Variants in SLC38A10 observed in about 807,000 individuals in gnomAD.
SLC38A10 encodes Sodium-coupled neutral amino acid transporter 10.
In SLC38A10, 53 loss-of-function variants were observed where a neutral mutation model predicts 81.0. The observed-to-expected ratio is 0.65, with a 90% CI of 0.53 to 0.82. The LOEUF (loss-of-function observed/expected upper bound fraction) is 0.82. Among genes scored for constraint, SLC38A10 ranks in the 40% least tolerant of loss-of-function variants. The pLI is 0.00. For missense variants in SLC38A10, 1,471 were observed against 1,545.0 expected, an observed-to-expected ratio of 0.95 and a Z score of 0.80; for synonymous variants, 665 against 655.3, an observed-to-expected ratio of 1.01 and a Z score of -0.23.
intron 10 of SLC38A10, among the ~76,000 whole-genome samples, chr17:81,261,195 T>C (rs2063020013): frequency 6.6e-6 from 1 of 152,198 alleles, no homozygotes; most frequent in Non-Finnish European, 1.5e-5. Context: ...TCTGACAAAC[T>C]GTACACTGCT....
chr17:81,292,065 T>C (rs2063315396), intron 1 of SLC38A10, among the ~76,000 whole-genome samples: 1 of 152,080 alleles, frequency 6.6e-6, no homozygotes, highest in African/African-American at 2.4e-5. Flanking sequence ...CAAACTTCAA[T>C]GTTTATTATA....
chr17:81,283,516 G>A lies in SLC38A10; in HGVS notation c.264-14C>T, dbSNP rs776509921. 13 of 1,599,624 alleles carry A rather than the reference G, an allele frequency of 8.1e-6. No individual in the cohort carries two copies. The highest frequency in any genetic ancestry group is 1.0e-5 in the Non-Finnish European group (12 of 1,172,854). The stretch of plus-strand genomic sequence containing the variant: ...AGCCCGATCATGCTGCACAGGGACG[G>A]GGGGTACGGGAAATGCCATCAGGGC... On this transcript the variant is annotated splice_polypyrimidine_tract_variant and intron_variant, in intron 3 of 15. Transcript: ENST00000374759. The surrounding 1 kb of genome is among the most constrained non-coding windows in gnomAD (Gnocchi z 4.7).
rs1442411200 is a variant in SLC38A10 at position 81,246,179 on chromosome 17, G to A, written c.2737C>T (p.Leu913Phe). The A allele has an allele frequency of 1.9e-6, 3 of 1,612,318 alleles. No homozygotes were observed. The South Asian group carries it at 3.3e-5, about 18-fold the overall frequency. ...GTCTCTGCTCCTGGCCCTGCCACGA[G>A]CCAGTTGGCTTCCTTCAGAATGCTG... ...GTSILKEANW[L>F]VAGPGAETGD... Residue 913 changes from leucine to phenylalanine, a missense_variant, in exon 16 of 16, where the codon CTC becomes TTC. Leu to Phe is a conservative substitution (Grantham distance 22). Coordinates refer to ENST00000374759, the MANE Select transcript of SLC38A10 (RefSeq NM_001037984.3).
In SLC38A10 at chr17:81,283,557, TG is replaced by T. The variant is rs922972447; in HGVS notation, c.264-56del. The T allele has an allele frequency of 7.1e-6, 10 of 1,416,594 alleles. No individual in the cohort carries two copies. Among genetic ancestry groups the T allele is most frequent in the East Asian group, 2.4e-5 (1 of 40,990 alleles). 87.8% of individuals were successfully genotyped at this position (1,416,594 alleles called of 1,614,324 possible). On this transcript the variant is annotated intron_variant, in intron 3 of 15. Coordinates refer to ENST00000374759, the MANE Select transcript of SLC38A10 (RefSeq NM_001037984.3). The surrounding 1 kb of genome is among the most constrained non-coding windows in gnomAD (Gnocchi z 4.7). ...CCATCAGGGCAAGCTGGCACACACC[TG>T]GGCTGCCGCCAGGGACTACCCCAAG...
chr17:81,275,588 C>T lies in SLC38A10; in HGVS notation c.912+381G>A, dbSNP rs1165836544. Among the ~76,000 whole-genome samples, 29 of 150,618 alleles carry T rather than the reference C, an allele frequency of 1.9e-4. 1 individual carries two copies. Among genetic ancestry groups the T allele is most frequent in the Admixed American group, 1.7e-3 (26 of 15,114 alleles). ...CTCTACTAAAAATACAAAAATTAGC[C>T]GGGCATGGTGGCGCGCGCCTGTAGT... On this transcript the variant is annotated intron_variant, in intron 8 of 15. Coordinates refer to ENST00000374759, the MANE Select transcript of SLC38A10 (RefSeq NM_001037984.3).
Position 81,276,742 on chromosome 17 carries a change from G to A in SLC38A10, c.729+289C>T, listed in dbSNP as rs924320304. On this transcript the variant is annotated intron_variant, in intron 7 of 15. Transcript: ENST00000374759. The surrounding 1 kb of genome is among the most constrained non-coding windows in gnomAD (Gnocchi z 4.7). Reference sequence around the variant, plus strand: ...AACAGAGGTCTTGGAGAGAGAGTAAGAGTGGCTCGGATAAAGGGTTCTGGG... The same window carrying A: ...AACAGAGGTCTTGGAGAGAGAGTAAAAGTGGCTCGGATAAAGGGTTCTGGG... Among the ~76,000 whole-genome samples the A allele has an allele frequency of 5.9e-5, 9 of 152,200 alleles. No individual in the cohort carries two copies. Among genetic ancestry groups the A allele is most frequent in the African/African-American group, 2.2e-4 (9 of 41,450 alleles).
At chr17:81,290,689 A>T (rs1043734048) in intron 1 of SLC38A10, among the ~76,000 whole-genome samples, 2 of 152,166 alleles carry the variant, frequency 1.3e-5, no homozygotes, top group Admixed American at 1.3e-4. Context: ...GTGGTTACAC[A>T]GCAAGCCCAT....
intron 10 of SLC38A10, among the ~76,000 whole-genome samples, chr17:81,262,023 A>G (rs539994201): frequency 1.3e-5 from 2 of 152,318 alleles, no homozygotes; most frequent in African/African-American, 4.8e-5. Flanking sequence ...GAAGAGTCCC[A>G]GGGCAGTGGT....
intron 9 of SLC38A10, among the ~76,000 whole-genome samples, chr17:81,272,138 T>G (rs989570007): frequency 2.0e-5 from 3 of 151,924 alleles, no homozygotes; most frequent in Non-Finnish European, 4.4e-5. Context: ...GTTCAAGTGA[T>G]TCTTTTGCCT....
intron 9 of SLC38A10, among the ~76,000 whole-genome samples, chr17:81,271,875 C>A (rs972087473): frequency 4.0e-5 from 6 of 151,636 alleles, no homozygotes; most frequent in Non-Finnish European, 7.4e-5. Flanking sequence ...TACAGGCACC[C>A]GCCACCACGC....
rs1019591558 is a variant in SLC38A10, at chr17:81,277,726, A to G, written c.627-593T>C. Among the ~76,000 whole-genome samples the G allele has an allele frequency of 1.3e-5, 2 of 152,184 alleles. No homozygotes were observed. Among genetic ancestry groups the G allele is most frequent in the Non-Finnish European group, 2.9e-5 (2 of 68,038 alleles). ...GAGGGACCCAAGCCACCAGCCAGGC[A>G]AGGACATGACAGCCCTGCACAGGCA... On this transcript the variant is annotated intron_variant, in intron 6 of 15. Transcript: ENST00000374759. The surrounding 1 kb of genome is among the most constrained non-coding windows in gnomAD (Gnocchi z 4.5).
chr17:81,261,940 G>T (rs964542978), intron 10 of SLC38A10, among the ~76,000 whole-genome samples: 1 of 152,208 alleles, frequency 6.6e-6, no homozygotes, highest in African/African-American at 2.4e-5. Flanking sequence ...GCTCTGCCCC[G>T]CCCTGGCCCC....
At chr17:81,261,751 C>T (rs1489787864) in intron 10 of SLC38A10, among the ~76,000 whole-genome samples, 4 of 152,236 alleles carry the variant, frequency 2.6e-5, no homozygotes, top group African/African-American at 4.8e-5. Context: ...GAAGGGAGCC[C>T]GGCCGCAATG....
rs2062850275 is a variant in SLC38A10 at position 81,246,305 on chromosome 17, C to T, written c.2611G>A (p.Glu871Lys). The T allele has an allele frequency of 6.2e-7, 1 of 1,611,170 alleles. No individual in the cohort carries two copies. The highest frequency in any genetic ancestry group is 1.3e-5 in the African/African-American group (1 of 74,948). The part of the protein sequence containing the change: ...PDPAREAGGP[E>K]ERLAEEFPGQ... Reference sequence around the variant, plus strand: ...GGGAATTCCTCTGCGAGGCGCTCCTCTGGGCCCCCGGCTTCCCTGGCGGGG... The same window carrying T: ...GGGAATTCCTCTGCGAGGCGCTCCTTTGGGCCCCCGGCTTCCCTGGCGGGG... The change falls in exon 16 of 16, where the codon GAG becomes AAG. Residue 871 changes from glutamate to lysine, a missense_variant. By Grantham distance (56) the Glu-to-Lys change is moderately conservative. Around this residue, in one of 2 missense-constraint regions of SLC38A10, gnomAD observed 751 missense variants for 717.4 expected, o/e 1.05. Coordinates refer to ENST00000374759, the MANE Select transcript of SLC38A10 (RefSeq NM_001037984.3).
rs890852333 is a variant in SLC38A10 at position 81,245,486 on chromosome 17, T to C, written c.*70A>G. The C allele has an allele frequency of 4.7e-6, 7 of 1,502,194 alleles. No individual in the cohort carries two copies. The highest frequency in any genetic ancestry group is 6.2e-6 in the Non-Finnish European group (7 of 1,127,412). The allele number at this position is 1,502,194 out of a possible 1,614,324, so 93.1% of individuals were successfully genotyped here. A position where few individuals can be genotyped will look rare whatever the true frequency, so the allele number is the denominator to read the frequency against. ...TGTGACCTCCAGAGTTTGGCTGGGATGCGGCTGAGACAGACCTGCTGCTGG... is the reference window on the plus strand; with the variant it reads ...TGTGACCTCCAGAGTTTGGCTGGGACGCGGCTGAGACAGACCTGCTGCTGG... On this transcript the variant is annotated 3_prime_UTR_variant, in exon 16 of 16. Coordinates refer to ENST00000374759, the MANE Select transcript of SLC38A10 (RefSeq NM_001037984.3).
chr17:81,251,163 G>T, intron 14 of SLC38A10: 1 of 1,525,312 alleles, frequency 6.6e-7, no homozygotes, highest in African/African-American at 1.4e-5. Context: ...TAACAAACCT[G>T]CTTTAAAGAC....
At chr17:81,272,971 G>A (rs1218680262) in intron 8 of SLC38A10, among the ~76,000 whole-genome samples, 1 of 152,202 alleles carries the variant, frequency 6.6e-6, no homozygotes, top group Non-Finnish European at 1.5e-5. Context: ...GAAGTATGGA[G>A]AGCAAAACAC....
rs375401661 is a variant in SLC38A10, at chr17:81,283,259, C to T, written c.357+150G>A. 1.0e-5 allele frequency: 7 copies of T among 673,964 alleles called. No individual in the cohort carries two copies. The highest frequency in any genetic ancestry group is 1.8e-5 in the South Asian group (1 of 56,950). 41.7% of individuals were successfully genotyped at this position (673,964 alleles called of 1,614,324 possible). ...CACAGACGTGACCCAGCAAAGCCCC[C>T]GCACTCCACCAAGCCCCTAGAATGA... is the stretch of plus-strand genomic sequence containing the variant. On this transcript the variant is annotated intron_variant, in intron 4 of 15. Coordinates refer to ENST00000374759, the MANE Select transcript of SLC38A10 (RefSeq NM_001037984.3). The surrounding 1 kb of genome is among the most constrained non-coding windows in gnomAD (Gnocchi z 4.7).
rs755026709 is a variant in SLC38A10, at chr17:81,246,513, G to C, written c.2403C>G (p.Arg801=). The C allele has an allele frequency of 1.4e-5, 21 of 1,531,566 alleles. No individual in the cohort carries two copies. The East Asian group carries it at 4.8e-4, about 35-fold the overall frequency. The allele number at this position is 1,531,566 out of a possible 1,614,324, so 94.9% of individuals were successfully genotyped here. ...CAGGCCCCTCAGAGTGCTCCAGGGA[G>C]CGCTGGTTAAGGTCCTGGGATGGAG... ...RPAPSQDLNQ[R]SLEHSEGPVG... is the part of the protein sequence containing the mutation. The change falls in exon 16 of 16, where the codon CGC becomes CGG. Residue 801 remains arginine (R), a synonymous_variant. Coordinates refer to ENST00000374759, the MANE Select transcript of SLC38A10 (RefSeq NM_001037984.3).
Sources: allele counts gnomAD v4.1 joint callset (sites outside exome capture counted in the v4.1 genomes callset), GRCh38; gene constraint gnomAD v4.1.1; regional missense constraint gnomAD v4.1.1; non-coding constraint Gnocchi (gnomAD v3.1); transcripts MANE v1.5; gene names NCBI Gene and HGNC (gene_info 2026-07-23, HGNC 2026-07-21).